The following TXK variants were observed in gnomAD, a reference collection of about 807,000 sequenced individuals.
TXK encodes the protein tyrosine-protein kinase TXK.
Under a neutral mutation model 81.0 loss-of-function variants are expected in TXK, and 60 were observed. The observed-to-expected ratio is 0.74, with a 90% CI of 0.60 to 0.92. TXK has a LOEUF of 0.92. Ranked by LOEUF, TXK falls within the 40% of genes least tolerant of loss-of-function variation. The pLI is 0.00. For missense variants in TXK, 581 were observed against 638.3 expected (o/e 0.91, Z 0.97); for synonymous variants, 203 against 210.7 (o/e 0.96, Z 0.32).
intron 12 of TXK, 78 bp from the exon 13 acceptor site, chr4:48,074,131 T>G (rs763890589): frequency 1.8e-5 from 20 of 1,124,076 alleles, no homozygotes; most frequent in Non-Finnish European, 2.0e-5. Context: ...TAGTTAACTC[T>G]AAGTTGCTAA....
chr4:48,084,264 G>T (rs1009858698), intron 10 of TXK, among the ~76,000 whole-genome samples: 4 of 145,514 alleles, frequency 2.7e-5, no homozygotes, highest in African/African-American at 1.0e-4. Flanking sequence ...TAGTTTTTTT[G>T]TTTTTTTTTT....
intron 10 of TXK, 73 bp from the exon 11 acceptor site, chr4:48,080,201 T>C: frequency 9.1e-7 from 1 of 1,097,466 alleles, no homozygotes; most frequent in Non-Finnish European, 1.4e-6. Flanking sequence ...TAACTGGTAG[T>C]ATTTACCATC....
intron 11 of TXK, among the ~76,000 whole-genome samples, chr4:48,077,563 A>C (rs920995089): frequency 6.6e-6 from 1 of 152,024 alleles, no homozygotes; most frequent in African/African-American, 2.4e-5. Flanking sequence ...AGCCATTTAG[A>C]GCAAATAAAA....
At chr4:48,070,437 T>C (rs1483680646) in intron 14 of TXK, among the ~76,000 whole-genome samples, 1 of 152,192 alleles carries the variant, frequency 6.6e-6, no homozygotes, top group Non-Finnish European at 1.5e-5. Context: ...AACCCATTAC[T>C]ATTAGCGTTG....
In TXK at chr4:48,105,073, T is replaced by C. The variant is rs1241727503; in HGVS notation, c.447-118A>G. On this transcript the variant is annotated intron_variant, in intron 5 of 14. Coordinates refer to ENST00000264316, the MANE Select transcript of TXK (RefSeq NM_003328.3). ...AGAACTGAGCTTAGAAAGTTGAGTG[T>C]TTTTTTAAATTCAGATAAACAATAA... is the stretch of plus-strand genomic sequence containing the variant. 7.8e-6 allele frequency: 5 copies of C among 639,138 alleles called. No individual in the cohort carries two copies. The East Asian group carries it at 1.2e-4, about 16-fold the overall frequency. The allele number at this position is 639,138 out of a possible 1,614,324, so 39.6% of individuals were successfully genotyped here.
Position 48,112,369 on chromosome 4 carries a change from T to C in TXK, c.318A>G (p.Ala106=), listed in dbSNP as rs1029078057. ...ATTTCTCCAGTATCAGGTATTCTTCTGCTCTCCTTAAGGCTAAATTACAGG... is the reference window on the plus strand; with the variant it reads ...ATTTCTCCAGTATCAGGTATTCTTCCGCTCTCCTTAAGGCTAAATTACAGG... ...REPCNLALRR[A]EEYLILEKYN... Residue 106 remains alanine, a synonymous_variant, in exon 4 of 15, where the codon GCA becomes GCG. Coordinates refer to ENST00000264316, the MANE Select transcript of TXK (RefSeq NM_003328.3). The C allele has an allele frequency of 6.2e-7, 1 of 1,614,222 alleles. No homozygotes were observed. The highest frequency in any genetic ancestry group is 8.5e-7 in the Non-Finnish European group (1 of 1,180,038).
intron 6 of TXK, among the ~76,000 whole-genome samples, chr4:48,097,800 T>G (rs1356147671): frequency 7.0e-6 from 1 of 142,088 alleles, no homozygotes; most frequent in Non-Finnish European, 1.5e-5. Context: ...CGGGCTGGAG[T>G]GCAGTGGCGC....
At position 48,089,755 on chromosome 4, in the gene TXK, C is replaced by T; in HGVS notation, c.779G>A (p.Ser260Asn). The T allele has an allele frequency of 6.2e-7, 1 of 1,613,252 alleles. No homozygotes were observed. The highest frequency in any genetic ancestry group is 8.5e-7 in the Non-Finnish European group (1 of 1,179,402). Residue 260 changes from serine (S) to asparagine (N), a missense_variant, in exon 9 of 15, where the codon AGC becomes AAC. Transcript: ENST00000264316. ...GSCLPATAGF[S>N]YEKWEIDPSE... ...AGCATGTGTGCACACTTTACCGTAG[C>T]TAAACCCAGCTGTGGCTGGTAAACA... is the stretch of plus-strand genomic sequence containing the variant.
At chr4:48,095,435 G>T (rs890471936) in intron 6 of TXK, among the ~76,000 whole-genome samples, 2 of 152,072 alleles carry the variant, frequency 1.3e-5, no homozygotes, top group African/African-American at 4.8e-5. Context: ...TTGTAATTGG[G>T]ACATGCATTT....
At chr4:48,090,203 G>A (rs180864242) in intron 8 of TXK, among the ~76,000 whole-genome samples, 59 of 152,304 alleles carry the variant, frequency 3.9e-4, no homozygotes, top group African/African-American at 1.3e-3. Context: ...CACTATGCAC[G>A]TAATTGATAT....
intron 1 of TXK, among the ~76,000 whole-genome samples, chr4:48,130,697 C>T (rs945749288): frequency 6.6e-6 from 1 of 152,174 alleles, no homozygotes; most frequent in African/African-American, 2.4e-5. Flanking sequence ...AGGCTGCCTA[C>T]CACAGCTACC....
intron 14 of TXK, among the ~76,000 whole-genome samples, chr4:48,068,042 TTGCAAAAATAAAACGGCTAGACC>T (rs1716677855): frequency 6.6e-6 from 1 of 152,156 alleles, no homozygotes; most frequent in African/African-American, 2.4e-5. Context: ...TTAGAGAATG[TTGCAAAAATAAAACGGCTAGACC>T]TGCAAACACT....
In TXK at chr4:48,086,627, C is replaced by T. The variant is rs766372694; in HGVS notation, c.795G>A (p.Glu265=). Residue 265 remains glutamate (E), a synonymous_variant, in exon 10 of 15, where the codon GAG becomes GAA. Transcript: ENST00000264316. ...ATAGFSYEKW[E]IDPSELAFIK... ...TAAAAGCCAACTCAGATGGATCTAT[C>T]TCCCACTTTTCTGAAAAAGTAAAAC... 11 of 1,613,274 alleles carry T rather than the reference C, an allele frequency of 6.8e-6. No individual in the cohort carries two copies. The highest frequency in any genetic ancestry group is 9.3e-6 in the Non-Finnish European group (11 of 1,179,660).
At chr4:48,110,719 A>T (rs1440089882) in intron 4 of TXK, 116 bp from the exon 5 acceptor site, 1 of 758,488 alleles carries the variant, frequency 1.3e-6, no homozygotes, top group Non-Finnish European at 2.2e-6. Context: ...CATTTTACTG[A>T]TTAAATTGTT....
At chr4:48,081,869 G>A (rs574391144) in intron 10 of TXK, among the ~76,000 whole-genome samples, 26 of 152,114 alleles carry the variant, frequency 1.7e-4, no homozygotes, top group African/African-American at 4.1e-4. Context: ...GCCATCCTTC[G>A]CCTGATATAA....
At chr4:48,116,007 A>C (rs1718802762) in intron 1 of TXK, among the ~76,000 whole-genome samples, 1 of 152,230 alleles carries the variant, frequency 6.6e-6, no homozygotes, top group Non-Finnish European at 1.5e-5. Flanking sequence ...GAGGGGAGAC[A>C]GACCTGGGGT....
chr4:48,081,777 T>A (rs943586496), intron 10 of TXK, among the ~76,000 whole-genome samples: 5 of 152,118 alleles, frequency 3.3e-5, no homozygotes, highest in Non-Finnish European at 7.4e-5. Flanking sequence ...ATAACAGGCT[T>A]CTCAAATCCA....
At position 48,067,652 on chromosome 4, in the gene TXK, A is replaced by T. The variant is rs1368500025; in HGVS notation, c.1569T>A (p.Ile523=). 3 of 1,614,072 alleles carry T rather than the reference A, an allele frequency of 1.9e-6. No homozygotes were observed. The highest frequency in any genetic ancestry group is 2.5e-6 in the Non-Finnish European group (3 of 1,180,000). The part of the protein sequence containing the change: ...FAELLRAVTE[I]AETW Reference sequence around the variant, plus strand: ...CTGTTTCCGGTCACCAGGTTTCCGCAATCTCTGTGACAGCCCGCAGCAGCT... The same window carrying T: ...CTGTTTCCGGTCACCAGGTTTCCGCTATCTCTGTGACAGCCCGCAGCAGCT... The change falls in exon 15 of 15, where the codon ATT becomes ATA. Residue 523 remains isoleucine (I), a synonymous_variant. Transcript: ENST00000264316.
At chr4:48,120,035 A>G (rs1015879030) in intron 1 of TXK, among the ~76,000 whole-genome samples, 1 of 151,698 alleles carries the variant, frequency 6.6e-6, no homozygotes, top group African/African-American at 2.4e-5. Context: ...TCCTTCTCCT[A>G]TATCACCATT....
Sources: allele counts gnomAD v4.1 joint callset (sites outside exome capture counted in the v4.1 genomes callset), GRCh38; gene constraint gnomAD v4.1.1; transcripts MANE v1.5; gene names NCBI Gene and HGNC (gene_info 2026-07-23, HGNC 2026-07-21).